CELSR1: variants seen among roughly 807,000 people sequenced by gnomAD.
CELSR1 encodes the protein adhesion G protein-coupled receptor C1.
Under a neutral mutation model 249.1 loss-of-function variants are expected in CELSR1, and 110 were observed. That is an observed-to-expected ratio of 0.44 (90% CI 0.38 to 0.52). The LOEUF is 0.52. Ranked by LOEUF, CELSR1 falls within the 20% of genes least tolerant of loss-of-function variation. The pLI is 0.00. For missense variants in CELSR1, 4,109 were observed against 4,296.4 expected (o/e 0.96, Z 1.22); for synonymous variants, 2,113 against 1,900.0 (o/e 1.11, Z -2.92).
At chr22:46,461,142 G>A (rs887316764) in intron 2 of CELSR1, among the ~76,000 whole-genome samples, 2 of 152,162 alleles carry the variant, frequency 1.3e-5, no homozygotes, top group Non-Finnish European at 2.9e-5. Context: ...AAAAAGGAGC[G>A]CTTCAAAGGG....
rs1207141459 is a variant in CELSR1 at position 46,512,988 on chromosome 22, C to G, written c.3544+20639G>C. On this transcript the variant is annotated intron_variant, in intron 1 of 34. Coordinates refer to ENST00000674500, the MANE Select transcript of CELSR1 (RefSeq NM_001378328.1). The surrounding 1 kb of genome is among the most constrained non-coding windows in gnomAD (Gnocchi z 5.2). ...CGCACTGCTGCTGACCTCATCTGTC[C>G]AGTGTCAGGTGCTCAGCAATCCCCA... Among the ~76,000 whole-genome samples the G allele has an allele frequency of 6.6e-6, 1 of 152,232 alleles. No individual in the cohort carries two copies. The highest frequency in any genetic ancestry group is 1.5e-5 in the Non-Finnish European group (1 of 68,034).
At position 46,471,689 on chromosome 22, in the gene CELSR1, C is replaced by T. The variant is rs527722670; in HGVS notation, c.3545-7344G>A. On this transcript the variant is annotated intron_variant, in intron 1 of 34. Transcript: ENST00000674500. This position sits in a 1 kb window ranked among gnomAD's most constrained non-coding sequence, Gnocchi z 4.9. ...GGGATTCACGGGTGTGAGCCGCTGC[C>T]CCTGGCCTCAGCATTTGTCATAATG... 4.8e-4 allele frequency among the ~76,000 whole-genome samples: 73 copies of T among 152,298 alleles called. 2 individuals are homozygous for T. In the South Asian group the frequency reaches 0.015, roughly 31 times the overall value.
At chr22:46,531,185 T>TTTTATTTA (rs151076267) in intron 1 of CELSR1, among the ~76,000 whole-genome samples, 14,850 of 147,950 alleles carry the variant, frequency 0.1, 958 homozygotes, top group Non-Finnish European at 0.13. Flanking sequence ...CTGCGCATCC[T>TTTTATTTA]TTTATTTATT....
At position 46,445,729 on chromosome 22, in the gene CELSR1, G is replaced by A. The variant is rs537016092; in HGVS notation, c.4184-6318C>T. On this transcript the variant is annotated intron_variant, in intron 2 of 34. Transcript: ENST00000674500. This position sits in a 1 kb window ranked among gnomAD's most constrained non-coding sequence, Gnocchi z 4.4. ...CGTACATTCTAGCCTCTGCAAACCCGGTGCCCCGAGAGCAGCAGCGCCTGG... is the reference window on the plus strand; with the variant it reads ...CGTACATTCTAGCCTCTGCAAACCCAGTGCCCCGAGAGCAGCAGCGCCTGG... Among the ~76,000 whole-genome samples, 14 of 152,272 alleles carry A rather than the reference G, an allele frequency of 9.2e-5. No individual in the cohort carries two copies. Among genetic ancestry groups the A allele is most frequent in the Non-Finnish European group, 1.8e-4 (12 of 68,014 alleles).
chr22:46,514,372 T>G (rs1243666450), intron 1 of CELSR1, among the ~76,000 whole-genome samples: 2 of 152,190 alleles, frequency 1.3e-5, no homozygotes, highest in East Asian at 1.9e-4. Context: ...GCTGAAGCTC[T>G]TCCACCCAGA....
chr22:46,369,342 CT>C, intron 26 of CELSR1, 84 bp from the exon 27 acceptor site: 1 of 1,220,992 alleles, frequency 8.2e-7, no homozygotes, highest in Non-Finnish European at 1.2e-6. Context: ...GCCCTTCGCC[CT>C]GTCAGGGAGG....
rs1365279208 is a variant in CELSR1, at chr22:46,471,184, A to T, written c.3545-6839T>A. Among the ~76,000 whole-genome samples, 2 of 152,104 alleles carry T rather than the reference A, an allele frequency of 1.3e-5. No individual in the cohort carries two copies. Among genetic ancestry groups the T allele is most frequent in the Non-Finnish European group, 2.9e-5 (2 of 68,026 alleles). The stretch of plus-strand genomic sequence containing the variant: ...TTTCACACAAAACAAAACAAAAAAA[A>T]TGTTTCTACATGAGCCCAGAGAGCT... On this transcript the variant is annotated intron_variant, in intron 1 of 34. Transcript: ENST00000674500. The surrounding 1 kb of genome is among the most constrained non-coding windows in gnomAD (Gnocchi z 4.9).
At chr22:46,482,475 G>C (rs1569194656) in intron 1 of CELSR1, among the ~76,000 whole-genome samples, 1 of 152,086 alleles carries the variant, frequency 6.6e-6, no homozygotes, top group African/African-American at 2.4e-5. Context: ...GGGACTCTAG[G>C]AGGCAGAAAA....
chr22:46,449,328 T>A (rs1272061187), intron 2 of CELSR1, among the ~76,000 whole-genome samples: 3 of 128,558 alleles, frequency 2.3e-5, no homozygotes, highest in Admixed American at 8.0e-5. Flanking sequence ...CATCCATCCA[T>A]CCAACCACAT....
At position 46,393,716 on chromosome 22, in the gene CELSR1, C is replaced by T. The variant is rs1433066038; in HGVS notation, c.5964+426G>A. Among the ~76,000 whole-genome samples, 3 of 147,476 alleles carry T rather than the reference C, an allele frequency of 2.0e-5. No homozygotes were observed. The highest frequency in any genetic ancestry group is 3.0e-5 in the Non-Finnish European group (2 of 67,312). On this transcript the variant is annotated intron_variant, in intron 14 of 34. Transcript: ENST00000674500. This position sits in a 1 kb window ranked among gnomAD's most constrained non-coding sequence, Gnocchi z 4.1. ...TCGCACCACTGCACTCCAGCCTGGG[C>T]GACACAGCGAGACTCTGTCTCAAAA...
chr22:46,365,638 G>T lies in CELSR1; in HGVS notation c.8352C>A (p.Ser2784Arg). The change falls in exon 31 of 35, where the codon AGC becomes AGA. Residue 2784 changes from serine to arginine, a missense_variant. Physicochemically the swap from Ser to Arg is moderately radical, Grantham distance 110. Coordinates refer to ENST00000674500, the MANE Select transcript of CELSR1 (RefSeq NM_001378328.1). ...LGVSSGLVRG[S>R]HGEPDASLMP... ...TGAGGGACGCGTCTGGCTCTCCGTG[G>T]CTGCCCCTCACCAGCCCAGAGGACA... 6.3e-7 allele frequency: 1 copy of T among 1,591,596 alleles called. No individual in the cohort carries two copies.
In CELSR1 at chr22:46,417,733, A is replaced by T. The variant is rs564248005; in HGVS notation, c.4612-5974T>A. Among the ~76,000 whole-genome samples the T allele has an allele frequency of 1.1e-4, 16 of 152,222 alleles. No homozygotes were observed. Among genetic ancestry groups the T allele is most frequent in the African/African-American group, 3.9e-4 (16 of 41,468 alleles). On this transcript the variant is annotated intron_variant, in intron 5 of 34. Coordinates refer to ENST00000674500, the MANE Select transcript of CELSR1 (RefSeq NM_001378328.1). This position sits in a 1 kb window ranked among gnomAD's most constrained non-coding sequence, Gnocchi z 4.1. Reference sequence around the variant, plus strand: ...ATGAGCCTAGGCAGACTCTTCTAGAAAGGGGGTAAGTGCATAGCTGCTATC... The same window carrying T: ...ATGAGCCTAGGCAGACTCTTCTAGATAGGGGGTAAGTGCATAGCTGCTATC...
At chr22:46,373,421 C>CG (rs536477998) in intron 24 of CELSR1, among the ~76,000 whole-genome samples, 122 of 123,978 alleles carry the variant, frequency 9.8e-4, no homozygotes, top group Middle Eastern at 4.3e-3. Flanking sequence ...CTGGGCGGGG[C>CG]GGGGGGGCAG....
In CELSR1 at chr22:46,441,585, G is replaced by A. The variant is rs1309696843; in HGVS notation, c.4184-2174C>T. Among the ~76,000 whole-genome samples the A allele has an allele frequency of 6.6e-6, 1 of 152,188 alleles. No individual in the cohort carries two copies. The highest frequency in any genetic ancestry group is 2.4e-5 in the African/African-American group (1 of 41,444). Reference sequence around the variant, plus strand: ...CGCTTCCAGCTGAGGTGGCCTCTGTGGAGGTCTGTCTTTCTAGCTAGCAGA... The same window carrying A: ...CGCTTCCAGCTGAGGTGGCCTCTGTAGAGGTCTGTCTTTCTAGCTAGCAGA... On this transcript the variant is annotated intron_variant, in intron 2 of 34. Transcript: ENST00000674500. The surrounding 1 kb of genome is among the most constrained non-coding windows in gnomAD (Gnocchi z 6.1).
Position 46,504,854 on chromosome 22 carries a change from A to G in CELSR1, c.3544+28773T>C, listed in dbSNP as rs191298146. On this transcript the variant is annotated intron_variant, in intron 1 of 34. Coordinates refer to ENST00000674500, the MANE Select transcript of CELSR1 (RefSeq NM_001378328.1). ...CACACACACACAGACCACACATCAA[A>G]CTAATGTTCCCTGAAATGTTATATG... Among the ~76,000 whole-genome samples, 7 of 152,314 alleles carry G rather than the reference A, an allele frequency of 4.6e-5. No homozygotes were observed. The East Asian group carries it at 1.4e-3, about 29-fold the overall frequency.
intron 5 of CELSR1, among the ~76,000 whole-genome samples, chr22:46,415,564 C>T (rs1463522114): frequency 6.6e-6 from 1 of 151,860 alleles, no homozygotes; most frequent in African/African-American, 2.4e-5. Flanking sequence ...TCTGAATATA[C>T]TAGAAGCCCC....
chr22:46,511,790 G>A (rs1283744210), intron 1 of CELSR1, among the ~76,000 whole-genome samples: 2 of 152,066 alleles, frequency 1.3e-5, no homozygotes, highest in African/African-American at 2.4e-5. Flanking sequence ...GGAAGGAGGT[G>A]TCTCCCTGGT....
intron 2 of CELSR1, among the ~76,000 whole-genome samples, chr22:46,449,735 G>C (rs2079860759): frequency 6.6e-6 from 1 of 152,140 alleles, no homozygotes. Flanking sequence ...GGGAAGCTTT[G>C]AAGGGGTGCT....
At chr22:46,497,167 C>T (rs745522511) in intron 1 of CELSR1, among the ~76,000 whole-genome samples, 51 of 152,284 alleles carry the variant, frequency 3.3e-4, no homozygotes, top group East Asian at 2.5e-3. Context: ...ATATGCAGCC[C>T]GTCCTTGACA....
Sources: allele counts gnomAD v4.1 joint callset (sites outside exome capture counted in the v4.1 genomes callset), GRCh38; gene constraint gnomAD v4.1.1; non-coding constraint Gnocchi (gnomAD v3.1); transcripts MANE v1.5; gene names NCBI Gene and HGNC (gene_info 2026-07-23, HGNC 2026-07-21).